MAD1L1: variants seen among roughly 807,000 people sequenced by gnomAD.
MAD1L1 encodes mitotic spindle assembly checkpoint protein MAD1.
A neutral mutation model predicts 96.9 loss-of-function variants in MAD1L1; 95 were observed. That is an observed-to-expected ratio of 0.98 (90% confidence interval 0.83 to 1.16). MAD1L1 has a LOEUF of 1.16. Ranked by LOEUF, MAD1L1 falls within the 50% of genes most tolerant of loss-of-function variation. The probability of loss-of-function intolerance (pLI) is 0.00; values close to 1 mark genes in which losing one functional copy is unlikely to be tolerated. For missense variants in MAD1L1, 1,007 were observed against 954.4 expected (o/e 1.06, Z -0.73); for synonymous variants, 473 against 396.6 (o/e 1.19, Z -2.29).
At chr7:1,855,151 G>A (rs1784180885) in intron 18 of MAD1L1, among the ~76,000 whole-genome samples, 1 of 152,190 alleles carries the variant, frequency 6.6e-6, no homozygotes, top group East Asian at 1.9e-4. Context: ...GTCCTGTCAT[G>A]TCAAGTCCAA....
At chr7:2,075,002 C>T (rs578072561) in intron 11 of MAD1L1, among the ~76,000 whole-genome samples, 2 of 152,266 alleles carry the variant, frequency 1.3e-5, no homozygotes, top group African/African-American at 2.4e-5. Context: ...CACAAGAGGA[C>T]GAGCAAACCA....
chr7:2,039,100 C>T lies in MAD1L1; in HGVS notation c.1219-24458G>A, dbSNP rs115558333. Among the ~76,000 whole-genome samples, 1,466 of 152,310 alleles carry T rather than the reference C, an allele frequency of 9.6e-3. 24 individuals carry two copies. Among genetic ancestry groups the T allele is most frequent in the African/African-American group, 0.033 (1,372 of 41,558 alleles). On this transcript the variant is annotated intron_variant, in intron 12 of 18. Transcript: ENST00000265854. ...GTCTATCACTTCAGCCTTTTAATAA[C>T]GTCATGCAAATGGGATCATGCAGCA...
chr7:2,056,534 C>T (rs1041495303), intron 12 of MAD1L1, among the ~76,000 whole-genome samples: 7 of 152,186 alleles, frequency 4.6e-5, no homozygotes, highest in African/African-American at 2.4e-5. Flanking sequence ...CCAGGAAAGA[C>T]GTGGAAGGAA....
intron 10 of MAD1L1, among the ~76,000 whole-genome samples, chr7:2,203,320 C>G (rs974028876): frequency 2.6e-5 from 4 of 152,224 alleles, no homozygotes; most frequent in Admixed American, 1.3e-4. Flanking sequence ...TTTGAAGATG[C>G]CTGCTCTCCT....
intron 15 of MAD1L1, among the ~76,000 whole-genome samples, chr7:1,972,778 T>G (rs1780462490): frequency 6.6e-6 from 1 of 152,208 alleles, no homozygotes; most frequent in Non-Finnish European, 1.5e-5. Context: ...CCATTCCTCT[T>G]TCTCAACGTG....
At chr7:1,918,228 C>T (rs1350213265) in intron 17 of MAD1L1, among the ~76,000 whole-genome samples, 1 of 152,170 alleles carries the variant, frequency 6.6e-6, no homozygotes, top group Non-Finnish European at 1.5e-5. Flanking sequence ...CAGTGGGGAC[C>T]GCCCCAGCCT....
At chr7:2,148,057 C>A (rs572089564) in intron 11 of MAD1L1, among the ~76,000 whole-genome samples, 31 of 152,316 alleles carry the variant, frequency 2.0e-4, no homozygotes, top group Admixed American at 1.3e-4. Flanking sequence ...CATCTGACAG[C>A]GGCTTTGAAA....
At chr7:1,900,223 G>A (rs1026398516) in intron 17 of MAD1L1, among the ~76,000 whole-genome samples, 5 of 152,238 alleles carry the variant, frequency 3.3e-5, no homozygotes, top group East Asian at 3.9e-4. Flanking sequence ...ACAGAGACTC[G>A]CTGCTTAGCT....
chr7:1,932,595 G>C (rs1313442056), intron 17 of MAD1L1, among the ~76,000 whole-genome samples: 1 of 152,236 alleles, frequency 6.6e-6, no homozygotes, highest in Non-Finnish European at 1.5e-5. Context: ...CGGATCCTTT[G>C]ACAAGTGACC....
chr7:2,000,353 G>A (rs1195229616), intron 14 of MAD1L1, among the ~76,000 whole-genome samples: 1 of 152,090 alleles, frequency 6.6e-6, no homozygotes, highest in Non-Finnish European at 1.5e-5. Flanking sequence ...TTGCGGCCCT[G>A]CACAGAGCAG....
chr7:2,209,283 C>T (rs1219318393), intron 10 of MAD1L1, among the ~76,000 whole-genome samples: 1 of 152,198 alleles, frequency 6.6e-6, no homozygotes, highest in Non-Finnish European at 1.5e-5. Flanking sequence ...GCCACTCTCT[C>T]CTGGGGCTCA....
At chr7:2,164,819 T>C (rs1790346743) in intron 10 of MAD1L1, among the ~76,000 whole-genome samples, 1 of 152,136 alleles carries the variant, frequency 6.6e-6, no homozygotes. Flanking sequence ...CCTTGGCAGC[T>C]AGAGCTGAGT....
chr7:1,862,006 G>C (rs1784556598), intron 18 of MAD1L1, among the ~76,000 whole-genome samples: 1 of 152,174 alleles, frequency 6.6e-6, no homozygotes, highest in Non-Finnish European at 1.5e-5. Context: ...CGCCATGCAG[G>C]GGACGCAGAG....
chr7:2,175,023 C>A (rs956634433), intron 10 of MAD1L1: 2 of 152,148 alleles, frequency 1.3e-5, no homozygotes, highest in African/African-American at 4.8e-5. Flanking sequence ...CCACAGGAGG[C>A]CCTTCTACTC....
chr7:2,010,315 A>G (rs1195327199), intron 13 of MAD1L1, among the ~76,000 whole-genome samples: 1 of 152,086 alleles, frequency 6.6e-6, no homozygotes, highest in Non-Finnish European at 1.5e-5. Context: ...GGGAAGACGG[A>G]AACACCGTGA....
intron 11 of MAD1L1, among the ~76,000 whole-genome samples, chr7:2,116,569 G>GA (rs1554377729): frequency 0.026 from 1,966 of 75,324 alleles, 68 homozygotes; most frequent in Middle Eastern, 0.062. Flanking sequence ...CAGAGGGTTG[G>GA]GGGGGGGGGG....
At position 1,896,782 on chromosome 7, in the gene MAD1L1, C is replaced by T. The variant is rs147789657; in HGVS notation, c.1998+1418G>A. Among the ~76,000 whole-genome samples the T allele has an allele frequency of 1.2e-3, 176 of 152,254 alleles. 1 individual carries two copies. Among genetic ancestry groups the T allele is most frequent in the African/African-American group, 3.7e-3 (153 of 41,548 alleles). On this transcript the variant is annotated intron_variant, in intron 18 of 18. Coordinates refer to ENST00000265854, the MANE Select transcript of MAD1L1 (RefSeq NM_001013836.2). The stretch of plus-strand genomic sequence containing the variant: ...TTCAACTACAGCACACGCAGGGATC[C>T]GGGGAAAACGCTGCCTCTTAATTTG...
chr7:2,092,253 T>C (rs1584299848), intron 11 of MAD1L1, among the ~76,000 whole-genome samples: 4 of 152,232 alleles, frequency 2.6e-5, no homozygotes, highest in Admixed American at 2.6e-4. Flanking sequence ...CTCCTGAGCA[T>C]CCTCTTTTTA....
chr7:2,076,433 C>T (rs1785377112), intron 11 of MAD1L1, among the ~76,000 whole-genome samples: 1 of 152,222 alleles, frequency 6.6e-6, no homozygotes, highest in Non-Finnish European at 1.5e-5. Flanking sequence ...CCTCCTCAGA[C>T]CCGGCACTGC....
Sources: gnomAD v4.1 joint callset for allele counts (sites outside exome capture counted in the v4.1 genomes callset) on GRCh38, gnomAD v4.1.1 for gene constraint, MANE v1.5 for transcripts, NCBI Gene and HGNC (gene_info 2026-07-23, HGNC 2026-07-21) for gene names.